DCAF6: variants seen among roughly 807,000 people sequenced by gnomAD.
DCAF6 encodes the protein DDB1 and CUL4 associated factor 6, also known as DDB1- and CUL4-associated factor 6.
In DCAF6, 54 loss-of-function variants were observed where a neutral mutation model predicts 125.1. The ratio of observed to expected loss-of-function variants is 0.43; its 90% CI spans 0.35 to 0.54. DCAF6 has a LOEUF of 0.54. DCAF6 is among the 20% of genes least tolerant of loss of function. The pLI is 0.01. For missense variants in DCAF6, 934 were observed against 1,161.7 expected (o/e 0.80, Z 2.85); for synonymous variants, 371 against 390.4 (o/e 0.95, Z 0.58).
chr1:167,947,744 T>G (rs1673289965), intron 1 of DCAF6, among the ~76,000 whole-genome samples: 1 of 152,218 alleles, frequency 6.6e-6, no homozygotes, highest in African/African-American at 2.4e-5. Flanking sequence ...TTGATGTGAT[T>G]TCAGTTTTAA....
chr1:167,899,721 C>A, the DCAF6 span: 1 of 1,201,140 alleles, frequency 8.3e-7, no homozygotes, highest in Non-Finnish European at 1.2e-6. Flanking sequence ...CTTGGTGGGA[C>A]TATACTATCT....
At position 167,945,766 on chromosome 1, in the gene DCAF6, C is replaced by T. The variant is rs568878081; in HGVS notation, c.98-6034C>T. Among the ~76,000 whole-genome samples, 12 of 150,516 alleles carry T rather than the reference C, an allele frequency of 8.0e-5. No individual in the cohort carries two copies. The East Asian group carries it at 1.9e-3, about 24-fold the overall frequency. On this transcript the variant is annotated intron_variant, in intron 1 of 21. Transcript: ENST00000367840. ...CCACCCACCTTGGCCTCCCAAAGTG[C>T]TGGGATTACAGGCGTGAGCCACCAC...
the DCAF6 span, among the ~76,000 whole-genome samples, chr1:167,921,720 G>GTT: frequency 1.3e-5 from 2 of 150,642 alleles, no homozygotes; most frequent in Admixed American, 6.6e-5. Context: ...TTAATAAATT[G>GTT]TTTTTTTTTA....
intron 17 of DCAF6, among the ~76,000 whole-genome samples, chr1:168,058,656 C>T (rs1384603873): frequency 6.6e-6 from 1 of 152,172 alleles, no homozygotes; most frequent in Non-Finnish European, 1.5e-5. Flanking sequence ...GGAACCTCTG[C>T]CTCCCAGGTT....
chr1:168,024,761 G>A (rs1034708511), intron 12 of DCAF6, among the ~76,000 whole-genome samples: 10 of 146,920 alleles, frequency 6.8e-5, no homozygotes, highest in South Asian at 4.3e-4. Flanking sequence ...CCGAGATTGC[G>A]CCATTGCACT....
the DCAF6 span, among the ~76,000 whole-genome samples, chr1:167,912,301 C>G: frequency 6.6e-6 from 1 of 152,164 alleles, no homozygotes; most frequent in Non-Finnish European, 1.5e-5. Context: ...AGAGCCAGGC[C>G]GGCAACCTTT....
At chr1:168,002,418 C>A in intron 7 of DCAF6, 64 bp from the exon 8 acceptor site, 1 of 1,366,704 alleles carries the variant, frequency 7.3e-7, no homozygotes, top group Non-Finnish European at 1.0e-6. Context: ...ATAAAGTATG[C>A]TTTAAGAGTT....
chr1:167,872,815 T>C, the DCAF6 span, among the ~76,000 whole-genome samples: 3 of 150,714 alleles, frequency 2.0e-5, no homozygotes, highest in African/African-American at 7.3e-5. Context: ...CTCACGTCTG[T>C]AATCCCAGCA....
At chr1:167,990,862 ACTTT>A (rs886768979) in intron 5 of DCAF6, among the ~76,000 whole-genome samples, 5 of 151,954 alleles carry the variant, frequency 3.3e-5, no homozygotes, top group African/African-American at 1.2e-4. Context: ...ATTTTTTCTT[ACTTT>A]AATTGGTTTA....
At chr1:167,960,411 G>T (rs1249829318) in intron 2 of DCAF6, among the ~76,000 whole-genome samples, 1 of 152,080 alleles carries the variant, frequency 6.6e-6, no homozygotes, top group Non-Finnish European at 1.5e-5. Flanking sequence ...TGATTCTCCT[G>T]CCTCAGACTC....
At chr1:167,951,909 T>G (rs1197555150) in intron 2 of DCAF6, 48 bp downstream of exon 2, 1 of 1,273,516 alleles carries the variant, frequency 7.9e-7, no homozygotes, top group East Asian at 2.3e-5. Flanking sequence ...ATACTAAGTG[T>G]TTAAGTGTTT....
At chr1:167,966,413 A>G (rs1370249462) in intron 2 of DCAF6, among the ~76,000 whole-genome samples, 2 of 152,142 alleles carry the variant, frequency 1.3e-5, no homozygotes, top group African/African-American at 2.4e-5. Flanking sequence ...CTCATCAGCT[A>G]TTGTTAGTGT....
chr1:167,909,742 T>A, the DCAF6 span, among the ~76,000 whole-genome samples: 1 of 152,158 alleles, frequency 6.6e-6, no homozygotes, highest in African/African-American at 2.4e-5. Flanking sequence ...AGGCAAGGTA[T>A]GACAGTTCAG....
At chr1:167,891,453 G>A in the DCAF6 span, among the ~76,000 whole-genome samples, 1 of 151,386 alleles carries the variant, frequency 6.6e-6, no homozygotes, top group African/African-American at 2.4e-5. Context: ...TCAGGAGATC[G>A]AGACCATCCT....
In DCAF6 at chr1:167,993,296, C is replaced by T. The variant is rs574051701; in HGVS notation, c.759C>T (p.Ser253=). The change falls in exon 7 of 22, where the codon TCC becomes TCT. Residue 253 remains serine (S), a synonymous_variant. Coordinates refer to ENST00000367840, the MANE Select transcript of DCAF6 (RefSeq NM_001198956.2). ...TTCCTTCCCATCTTAATAATAAGTC[C>T]TGCAGAGTGACATCTCTGTGTTACA... is the stretch of plus-strand genomic sequence containing the variant. ...RFIPSHLNNK[S]CRVTSLCYSE... is the part of the protein sequence containing the mutation. 4 of 1,614,002 alleles carry T rather than the reference C, an allele frequency of 2.5e-6. No individual in the cohort carries two copies. Among genetic ancestry groups the T allele is most frequent in the Middle Eastern group, 1.7e-4 (1 of 6,060 alleles).
the DCAF6 span, chr1:167,919,945 G>C: frequency 6.7e-7 from 1 of 1,499,870 alleles, no homozygotes; most frequent in Non-Finnish European, 9.1e-7. Context: ...AGTAGCTTTT[G>C]CAACAGTTTT....
chr1:168,056,163 A>T, intron 17 of DCAF6: 1 of 1,599,834 alleles, frequency 6.3e-7, no homozygotes, highest in Non-Finnish European at 8.6e-7. Flanking sequence ...AACTTCAGGG[A>T]GACTACAATA....
the DCAF6 span, among the ~76,000 whole-genome samples, chr1:167,887,048 A>C: frequency 6.6e-6 from 1 of 152,182 alleles, no homozygotes; most frequent in Non-Finnish European, 1.5e-5. Context: ...AGGAAACAAC[A>C]GGTGCTGGAG....
At chr1:167,878,523 T>C in the DCAF6 span, 2 of 1,614,188 alleles carry the variant, frequency 1.2e-6, no homozygotes, top group African/African-American at 1.3e-5. Flanking sequence ...TTGGAAGCTC[T>C]TTAAAAAAGT....
Sources: allele counts gnomAD v4.1 joint callset (sites outside exome capture counted in the v4.1 genomes callset), GRCh38; gene constraint gnomAD v4.1.1; transcripts MANE v1.5; gene names NCBI Gene and HGNC (gene_info 2026-07-23, HGNC 2026-07-21).